Variants in TECPR2 observed in about 807,000 individuals in gnomAD.
TECPR2 encodes tectonin beta-propeller repeat-containing protein 2.
In TECPR2, 65 loss-of-function variants were observed where a neutral mutation model predicts 138.1. That is an observed-to-expected ratio of 0.47 (90% CI 0.39 to 0.58). The LOEUF (loss-of-function observed/expected upper bound fraction) is 0.58, where lower values mean the gene tolerates loss of function less well. Among genes scored for constraint, TECPR2 ranks in the 20% least tolerant of loss-of-function variants. TECPR2 has a pLI of 0.00. For missense variants in TECPR2, 1,553 were observed against 1,824.5 expected (o/e 0.85, Z 2.71); for synonymous variants, 746 against 749.8 (o/e 0.99, Z 0.08).
In TECPR2 at chr14:102,431,866, G is replaced by T. The variant is rs1381068013; in HGVS notation, c.1155G>T (p.Gly385=). Residue 385 remains glycine (G), a synonymous_variant, in exon 8 of 20, where the codon GGG becomes GGT. Transcript: ENST00000359520. ...VHVQQAEKLP[G]ATVSETRLRG... is the part of the protein sequence containing the mutation. ...TGCAGCAAGCGGAGAAGCTGCCAGG[G>T]GCCACAGTTTCTGAGACGAGGCTCA... is the stretch of plus-strand genomic sequence containing the variant. The T allele has an allele frequency of 1.2e-6, 2 of 1,603,272 alleles. No homozygotes were observed. The highest frequency in any genetic ancestry group is 1.7e-6 in the Non-Finnish European group (2 of 1,171,102).
Position 102,425,035 on chromosome 14 carries a change from C to G in TECPR2, c.695C>G (p.Thr232Ser). Residue 232 changes from threonine to serine, a missense_variant, in exon 6 of 20, where the codon ACC becomes AGC. Coordinates refer to ENST00000359520, the MANE Select transcript of TECPR2 (RefSeq NM_014844.5). ...GGACTCTGTAAGCAAAGTGATCTAA[C>G]CTTGTATGCGTCACGGCCCGGGCTC... is the stretch of plus-strand genomic sequence containing the variant. ...IPGLCKQSDL[T>S]LYASRPGLRL... 6.2e-7 allele frequency: 1 copy of G among 1,614,076 alleles called. No individual in the cohort carries two copies.
At chr14:102,477,703 A>G (rs983420569) in intron 17 of TECPR2, among the ~76,000 whole-genome samples, 1 of 136,202 alleles carries the variant, frequency 7.3e-6, no homozygotes, top group Non-Finnish European at 1.6e-5. Flanking sequence ...GGCGCCCGCC[A>G]CCATGCCCGG....
rs1268120862 is a variant in TECPR2, at chr14:102,362,996, T to C, written c.-193T>C. The stretch of plus-strand genomic sequence containing the variant: ...GGAGCCAGCTGCTGCTCTTCGGTGC[T>C]GGCCCCGGTGCCGGCCCCGTTGCCC... On this transcript the variant is annotated 5_prime_UTR_variant, in exon 1 of 20. Transcript: ENST00000359520. The C allele has an allele frequency of 1.8e-6, 2 of 1,104,898 alleles. No homozygotes were observed. The highest frequency in any genetic ancestry group is 1.6e-5 in the African/African-American group (1 of 64,366). 68.4% of individuals were successfully genotyped at this position (1,104,898 alleles called of 1,614,324 possible).
chr14:102,428,393 A>G lies in TECPR2; in HGVS notation c.1084+11A>G, dbSNP rs112560511. 5.0e-6 allele frequency: 8 copies of G among 1,608,140 alleles called. No individual in the cohort carries two copies. The African/African-American group carries it at 5.4e-5, about 11-fold the overall frequency. ...GATTAACATCAACAGGTTTGTATTTATTATAAAATGTACCATGTATATGAT... is the reference window on the plus strand; with the variant it reads ...GATTAACATCAACAGGTTTGTATTTGTTATAAAATGTACCATGTATATGAT... On this transcript the variant is annotated intron_variant, in intron 7 of 19. Coordinates refer to ENST00000359520, the MANE Select transcript of TECPR2 (RefSeq NM_014844.5).
intron 2 of TECPR2, among the ~76,000 whole-genome samples, chr14:102,404,422 T>C (rs1000190986): frequency 6.6e-6 from 1 of 152,070 alleles, no homozygotes; most frequent in Non-Finnish European, 1.5e-5. Flanking sequence ...AACTTAAAAC[T>C]TAACTGCAAA....
intron 17 of TECPR2, among the ~76,000 whole-genome samples, chr14:102,480,862 T>C (rs1346186072): frequency 7.0e-6 from 1 of 142,948 alleles, no homozygotes; most frequent in Non-Finnish European, 1.5e-5. Flanking sequence ...TTTTTTTTTT[T>C]TTGAGATGGA....
At chr14:102,403,420 T>C (rs1888551870) in intron 2 of TECPR2, among the ~76,000 whole-genome samples, 1 of 152,186 alleles carries the variant, frequency 6.6e-6, no homozygotes, top group African/African-American at 2.4e-5. Context: ...TGAACAATTA[T>C]ACTTAATGGT....
At chr14:102,424,310 G>A (rs79054225) in intron 5 of TECPR2, among the ~76,000 whole-genome samples, 5,742 of 152,228 alleles carry the variant, frequency 0.038, 121 homozygotes, top group Middle Eastern at 0.092. Context: ...TTGTATTTGC[G>A]GTCCATCATT....
intron 2 of TECPR2, among the ~76,000 whole-genome samples, chr14:102,378,422 C>G (rs949316627): frequency 6.6e-6 from 1 of 151,926 alleles, no homozygotes; most frequent in East Asian, 1.9e-4. Flanking sequence ...TTTTTTCCTT[C>G]TCACTATGCT....
At chr14:102,482,986 G>A in intron 17 of TECPR2, among the ~76,000 whole-genome samples, 1 of 151,374 alleles carries the variant, frequency 6.6e-6, no homozygotes, top group Non-Finnish European at 1.5e-5. Context: ...TGGGACTACA[G>A]GCGCCCGCTA....
intron 1 of TECPR2, among the ~76,000 whole-genome samples, chr14:102,368,953 C>A (rs1175870948): frequency 6.6e-6 from 1 of 152,198 alleles, no homozygotes; most frequent in African/African-American, 2.4e-5. Context: ...GCTTGAACAA[C>A]ACTTTTGATT....
Position 102,490,153 on chromosome 14 carries a change from T to C in TECPR2, c.3790-6826T>C, listed in dbSNP as rs577286211. ...TAACCCCACGCGGCACCTTCCTTGG[T>C]CACTGTGAGCAAACAGTGGAATTCC... is the stretch of plus-strand genomic sequence containing the variant. On this transcript the variant is annotated intron_variant, in intron 17 of 19. Transcript: ENST00000359520. Among the ~76,000 whole-genome samples the C allele has an allele frequency of 3.0e-4, 46 of 152,304 alleles. 2 individuals carry two copies. The South Asian group carries it at 8.9e-3, about 30-fold the overall frequency.
intron 17 of TECPR2, among the ~76,000 whole-genome samples, chr14:102,493,885 G>A (rs554730515): frequency 1.3e-5 from 2 of 152,340 alleles, no homozygotes; most frequent in South Asian, 2.1e-4. Flanking sequence ...AGCTGGGACC[G>A]CTGTCCAGGG....
At position 102,452,320 on chromosome 14, in the gene TECPR2, G is replaced by T. The variant is rs1036347020; in HGVS notation, c.3407-74G>T. The T allele has an allele frequency of 2.7e-5, 39 of 1,465,714 alleles. 1 individual carries two copies. Among genetic ancestry groups the T allele is most frequent in the Admixed American group, 2.4e-4 (12 of 49,716 alleles). The allele number at this position is 1,465,714 out of a possible 1,614,324, so 90.8% of individuals were successfully genotyped here. A position where few individuals can be genotyped will look rare whatever the true frequency, so the allele number is the denominator to read the frequency against. The stretch of plus-strand genomic sequence containing the variant: ...GGCTAGCGTCTGCTGAAAGGCAAAG[G>T]CTGCCTTGTGCATTTAGGGCAGGCG... On this transcript the variant is annotated intron_variant, in intron 15 of 19. Transcript: ENST00000359520.
intron 4 of TECPR2, among the ~76,000 whole-genome samples, chr14:102,409,466 A>ATTTTTGTAT (rs1888760008): frequency 6.6e-6 from 1 of 151,502 alleles, no homozygotes; most frequent in Non-Finnish European, 1.5e-5. Context: ...TGCCCGACTA[A>ATTTTTGTAT]TTTTTGTATT....
chr14:102,394,811 C>A (rs1380165171), intron 2 of TECPR2, among the ~76,000 whole-genome samples: 1 of 152,174 alleles, frequency 6.6e-6, no homozygotes, highest in Non-Finnish European at 1.5e-5. Flanking sequence ...CACAAGGTCT[C>A]GACGGAGTCT....
chr14:102,447,448 T>C (rs1180764277), intron 13 of TECPR2, among the ~76,000 whole-genome samples: 1 of 152,082 alleles, frequency 6.6e-6, no homozygotes, highest in African/African-American at 2.4e-5. Flanking sequence ...TTTCCCCTTC[T>C]TTGGTATAGT....
intron 5 of TECPR2, among the ~76,000 whole-genome samples, chr14:102,416,733 C>G (rs1330421493): frequency 6.6e-6 from 1 of 151,990 alleles, no homozygotes; most frequent in Non-Finnish European, 1.5e-5. Flanking sequence ...CCTGTAATCC[C>G]AACACTTTGG....
rs1889002927 is a variant in TECPR2 at position 102,415,641 on chromosome 14, T to C, written c.638+848T>C. 6.6e-6 allele frequency among the ~76,000 whole-genome samples: 1 copy of C among 151,410 alleles called. No homozygotes were observed. The highest frequency in any genetic ancestry group is 2.4e-5 in the African/African-American group (1 of 41,146). On this transcript the variant is annotated intron_variant, in intron 5 of 19. Coordinates refer to ENST00000359520, the MANE Select transcript of TECPR2 (RefSeq NM_014844.5). This position sits in a 1 kb window ranked among gnomAD's most constrained non-coding sequence, Gnocchi z 4.3. ...AGGAGGAGGTAGACTGGGGCCAACG[T>C]GGGGGTGGGAAGCAGAGGGCGGCAT...
Sources: gnomAD v4.1 joint callset for allele counts (sites outside exome capture counted in the v4.1 genomes callset) on GRCh38, gnomAD v4.1.1 for gene constraint, Gnocchi (gnomAD v3.1) non-coding constraint, MANE v1.5 for transcripts, NCBI Gene and HGNC (gene_info 2026-07-23, HGNC 2026-07-21) for gene names.